Variants in KLHL32 observed in about 807,000 individuals in gnomAD.
The protein encoded by KLHL32 is kelch like family member 32, also known as kelch-like protein 32.
In KLHL32, 35 loss-of-function variants were observed where a neutral mutation model predicts 64.8. That is an observed-to-expected ratio of 0.54 (90% CI 0.41 to 0.72). The LOEUF is 0.72. KLHL32 is among the 30% of genes least tolerant of loss of function. The probability of loss-of-function intolerance (pLI) is 0.00; values close to 1 mark genes in which losing one functional copy is unlikely to be tolerated. For synonymous variants in KLHL32, 259 were observed against 281.0 expected, an observed-to-expected ratio of 0.92 and a Z score of 0.78; for missense variants, 589 against 768.5, an observed-to-expected ratio of 0.77 and a Z score of 2.76.
chr6:97,053,231 A>G (rs959435009), intron 4 of KLHL32, among the ~76,000 whole-genome samples: 3 of 152,206 alleles, frequency 2.0e-5, no homozygotes, highest in Non-Finnish European at 2.9e-5. Context: ...AGAGAAGATA[A>G]TAAGTAACTA....
At chr6:97,049,148 GT>G (rs1482351943) in intron 4 of KLHL32, among the ~76,000 whole-genome samples, 5 of 152,080 alleles carry the variant, frequency 3.3e-5, no homozygotes, top group African/African-American at 4.8e-5. Flanking sequence ...TATATACTAT[GT>G]TTTTTTCCTA....
chr6:97,118,114 C>G (rs1797993320), intron 7 of KLHL32, among the ~76,000 whole-genome samples: 1 of 152,088 alleles, frequency 6.6e-6, no homozygotes, highest in Admixed American at 6.5e-5. Context: ...TTTGTTAAGG[C>G]TTAACTCCCT....
At chr6:97,060,372 A>G (rs953866466) in intron 4 of KLHL32, among the ~76,000 whole-genome samples, 7 of 152,192 alleles carry the variant, frequency 4.6e-5, no homozygotes, top group Non-Finnish European at 1.0e-4. Context: ...TGGACATCTG[A>G]TGATCCAGGA....
chr6:97,061,755 G>T (rs1449352218), intron 4 of KLHL32, among the ~76,000 whole-genome samples: 1 of 152,112 alleles, frequency 6.6e-6, no homozygotes, highest in East Asian at 1.9e-4. Flanking sequence ...TGTTCTTTTG[G>T]CCAGTCCTTC....
At chr6:97,113,191 T>G (rs1402366698) in intron 6 of KLHL32, among the ~76,000 whole-genome samples, 1 of 152,210 alleles carries the variant, frequency 6.6e-6, no homozygotes, top group Non-Finnish European at 1.5e-5. Context: ...TATTTTTTCT[T>G]TTCTTGCTTC....
In KLHL32 at chr6:97,093,176, A is replaced by G. The variant is rs534388613; in HGVS notation, c.627+7835A>G. On this transcript the variant is annotated intron_variant, in intron 6 of 10. Coordinates refer to ENST00000369261, the MANE Select transcript of KLHL32 (RefSeq NM_052904.4). ...AATATTGCTGCTAACCTGGGTTATC[A>G]GGGATTTAAAAATAAAACCCAACTA... is the stretch of plus-strand genomic sequence containing the variant. 1.5e-3 allele frequency among the ~76,000 whole-genome samples: 222 copies of G among 152,296 alleles called. 1 individual carries two copies. The highest frequency in any genetic ancestry group is 1.9e-3 in the Non-Finnish European group (127 of 68,026).
chr6:96,898,504 C>T, the KLHL32 span, among the ~76,000 whole-genome samples: 3 of 152,128 alleles, frequency 2.0e-5, no homozygotes, highest in African/African-American at 7.2e-5. Context: ...TTTTTTACAT[C>T]CCGTTCTCAT....
intron 3 of KLHL32, chr6:96,994,619 A>G: frequency 1.0e-6 from 1 of 985,430 alleles, no homozygotes; most frequent in Non-Finnish European, 1.2e-6. Flanking sequence ...CTGTGAGTTA[A>G]TATCAGCTTT....
At chr6:97,024,758 A>T (rs1400535127) in intron 3 of KLHL32, among the ~76,000 whole-genome samples, 1 of 152,190 alleles carries the variant, frequency 6.6e-6, no homozygotes, top group African/African-American at 2.4e-5. Flanking sequence ...CACATCTAGT[A>T]AATGTAAGTA....
At chr6:96,975,135 G>C (rs1582542921) in intron 2 of KLHL32, among the ~76,000 whole-genome samples, 1 of 152,194 alleles carries the variant, frequency 6.6e-6, no homozygotes, top group East Asian at 1.9e-4. Flanking sequence ...TATTATTGTA[G>C]AATGATCTAG....
intron 4 of KLHL32, among the ~76,000 whole-genome samples, chr6:97,063,577 G>A (rs906809437): frequency 3.3e-5 from 5 of 152,152 alleles, no homozygotes; most frequent in Non-Finnish European, 7.4e-5. Context: ...GGAGTTGGAG[G>A]CTTGAGAAAG....
intron 1 of KLHL32, among the ~76,000 whole-genome samples, chr6:96,936,100 G>C (rs944348486): frequency 6.6e-6 from 1 of 152,080 alleles, no homozygotes; most frequent in African/African-American, 2.4e-5. Context: ...TGGTCAGCTG[G>C]GGCCAGCAGT....
At chr6:96,958,519 CAGA>C (rs1226325126) in intron 1 of KLHL32, among the ~76,000 whole-genome samples, 2 of 152,100 alleles carry the variant, frequency 1.3e-5, no homozygotes, top group East Asian at 3.9e-4. Context: ...TGACTGTAAC[CAGA>C]AGAAGAAGGA....
Position 97,127,564 on chromosome 6 carries a change from C to G in KLHL32, c.1413+102C>G, listed in dbSNP as rs566697364. On this transcript the variant is annotated intron_variant, in intron 8 of 10. Coordinates refer to ENST00000369261, the MANE Select transcript of KLHL32 (RefSeq NM_052904.4). ...TGCCAAGTGTACACACACAGATATG[C>G]ATCTTTAGCTTATATAGAGAAAAGG... 6.5e-6 allele frequency: 6 copies of G among 923,074 alleles called. No homozygotes were observed. In the Admixed American group the frequency reaches 7.9e-5, roughly 12 times the overall value. The allele number at this position is 923,074 out of a possible 1,614,324, so 57.2% of individuals were successfully genotyped here.
upstream of KLHL32, among the ~76,000 whole-genome samples, chr6:96,920,703 T>A (rs979405122): frequency 2.6e-5 from 4 of 152,256 alleles, no homozygotes; most frequent in Admixed American, 1.3e-4. Context: ...TCTGCAAGGA[T>A]CTAATCTGTT....
chr6:96,982,925 G>C (rs996260083), intron 3 of KLHL32, among the ~76,000 whole-genome samples: 7 of 152,276 alleles, frequency 4.6e-5, no homozygotes, highest in Non-Finnish European at 1.0e-4. Flanking sequence ...ATGTTCAATA[G>C]GAGTGGTGAG....
At chr6:97,055,206 C>G (rs1331160122) in intron 4 of KLHL32, among the ~76,000 whole-genome samples, 5 of 152,168 alleles carry the variant, frequency 3.3e-5, no homozygotes, top group Non-Finnish European at 2.9e-5. Context: ...CCTCACTAAC[C>G]TACCTCCAGT....
At chr6:97,090,521 AC>A (rs1310741346) in intron 6 of KLHL32, among the ~76,000 whole-genome samples, 1 of 152,228 alleles carries the variant, frequency 6.6e-6, no homozygotes, top group Non-Finnish European at 1.5e-5. Context: ...GTGAACCCAA[AC>A]AAAAAGCTAC....
At chr6:96,943,609 G>T (rs966750754) in intron 1 of KLHL32, among the ~76,000 whole-genome samples, 1 of 152,234 alleles carries the variant, frequency 6.6e-6, no homozygotes, top group Non-Finnish European at 1.5e-5. Context: ...TAGTAGCAGA[G>T]CCGGGACCAG....
Sources: gnomAD v4.1 joint callset for allele counts (sites outside exome capture counted in the v4.1 genomes callset) on GRCh38, gnomAD v4.1.1 for gene constraint, MANE v1.5 for transcripts, NCBI Gene and HGNC (gene_info 2026-07-23, HGNC 2026-07-21) for gene names.